Variants in AGTPBP1 observed in about 807,000 individuals in gnomAD.
AGTPBP1 encodes cytosolic carboxypeptidase 1.
In AGTPBP1, 70 loss-of-function variants were observed where a neutral mutation model predicts 143.9. The ratio of observed to expected loss-of-function variants is 0.49; its 90% confidence interval spans 0.40 to 0.59. The LOEUF is 0.59. Among genes scored for constraint, AGTPBP1 ranks in the 20% least tolerant of loss-of-function variants. AGTPBP1 has a pLI of 0.00. For missense variants in AGTPBP1, 1,229 were observed against 1,464.5 expected (o/e 0.84, Z 2.62); for synonymous variants, 463 against 500.2 (o/e 0.93, Z 0.99).
In AGTPBP1 at chr9:85,599,110, AACACACAC is replaced by A. The variant is rs57074552; in HGVS notation, c.2336-2669_2336-2662del. ...CCATTCGTTTTCAACCTTGTCACTG[AACACACAC>A]ACACACACACACACACACACACACA... On this transcript the variant is annotated intron_variant, in intron 17 of 25. Coordinates refer to ENST00000357081, the MANE Select transcript of AGTPBP1 (RefSeq NM_001330701.2). Among the ~76,000 whole-genome samples the A allele has an allele frequency of 8.1e-3, 1,092 of 135,480 alleles. 10 individuals carry two copies. The highest frequency in any genetic ancestry group is 0.028 in the African/African-American group (983 of 35,420). The allele number at this position is 135,480 out of a possible 152,430, so 88.9% of individuals were successfully genotyped here. A position where few individuals can be genotyped will look rare whatever the true frequency, so the allele number is the denominator to read the frequency against.
At chr9:85,802,608 A>G in the AGTPBP1 span, among the ~76,000 whole-genome samples, 3 of 152,210 alleles carry the variant, frequency 2.0e-5, no homozygotes, top group African/African-American at 4.8e-5. Flanking sequence ...ACTTTCCGTT[A>G]AGGACTACAT....
rs529543388 is a variant in AGTPBP1, at chr9:85,719,212, G to A, written c.-33-6646C>T. On this transcript the variant is annotated intron_variant, in intron 1 of 25. Transcript: ENST00000357081. ...TTCCAATTCTGTGAAGAAAGTCATC[G>A]GTAGCTTGATGGGGATGGCACTGAA... 1.4e-3 allele frequency among the ~76,000 whole-genome samples: 218 copies of A among 152,212 alleles called. 1 individual carries two copies. The highest frequency in any genetic ancestry group is 4.8e-3 in the African/African-American group (198 of 41,530).
chr9:85,664,601 C>T lies in AGTPBP1; in HGVS notation c.663-3628G>A, dbSNP rs183396424. On this transcript the variant is annotated intron_variant, in intron 8 of 25. Transcript: ENST00000357081. The stretch of plus-strand genomic sequence containing the variant: ...TATCATGTCAACTACATCTCAGAAA[C>T]GTATTTTTAAAAACAGAAGTCAATC... 4.3e-3 allele frequency among the ~76,000 whole-genome samples: 648 copies of T among 152,184 alleles called. 4 individuals are homozygous for T. The highest frequency in any genetic ancestry group is 3.6e-3 in the Non-Finnish European group (246 of 68,006).
At chr9:85,688,215 A>T (rs1297738397) in intron 3 of AGTPBP1, among the ~76,000 whole-genome samples, 1 of 152,080 alleles carries the variant, frequency 6.6e-6, no homozygotes, top group East Asian at 1.9e-4. Flanking sequence ...GAGAAAGTCA[A>T]TTAAACCAGA....
intron 14 of AGTPBP1, among the ~76,000 whole-genome samples, chr9:85,623,426 G>A (rs1216182577): frequency 6.6e-6 from 1 of 152,098 alleles, no homozygotes; most frequent in Non-Finnish European, 1.5e-5. Context: ...TAAAATACTT[G>A]AGGGGAATCT....
At chr9:85,721,507 T>C (rs1313471898) in intron 1 of AGTPBP1, among the ~76,000 whole-genome samples, 5 of 136,246 alleles carry the variant, frequency 3.7e-5, no homozygotes, top group East Asian at 2.6e-4. Flanking sequence ...TTTTTTTTTT[T>C]CTTTCCATTT....
chr9:85,687,409 G>A (rs1240052120), intron 3 of AGTPBP1, among the ~76,000 whole-genome samples: 1 of 152,056 alleles, frequency 6.6e-6, no homozygotes, highest in African/African-American at 2.4e-5. Context: ...AACAACAGCA[G>A]AATATACATT....
chr9:85,656,808 C>G (rs1564112365), intron 10 of AGTPBP1, among the ~76,000 whole-genome samples: 1 of 152,120 alleles, frequency 6.6e-6, no homozygotes, highest in Non-Finnish European at 1.5e-5. Context: ...GGAAAACGTG[C>G]AGAATACTCA....
intron 1 of AGTPBP1, among the ~76,000 whole-genome samples, chr9:85,740,121 A>T (rs1340342429): frequency 1.3e-5 from 2 of 152,254 alleles, no homozygotes; most frequent in Non-Finnish European, 2.9e-5. Context: ...ACTTTTCTAA[A>T]GAGAAGAATG....
At chr9:85,681,467 G>A (rs1484489599) in intron 3 of AGTPBP1, 132 bp from the exon 4 acceptor site, 11 of 675,978 alleles carry the variant, frequency 1.6e-5, no homozygotes, top group East Asian at 5.6e-5. Context: ...GTTCACAGAC[G>A]TTCTTCCCTC....
chr9:85,608,367 A>G (rs980274066), intron 17 of AGTPBP1, among the ~76,000 whole-genome samples: 3 of 151,924 alleles, frequency 2.0e-5, no homozygotes, highest in Non-Finnish European at 4.4e-5. Context: ...CTATTGATAT[A>G]GTCTTCAAAA....
chr9:85,700,013 A>G (rs912858808), intron 2 of AGTPBP1, among the ~76,000 whole-genome samples: 1 of 152,232 alleles, frequency 6.6e-6, no homozygotes, highest in Non-Finnish European at 1.5e-5. Flanking sequence ...TGTCTGGCTC[A>G]GTAGAAGACA....
intron 1 of AGTPBP1, among the ~76,000 whole-genome samples, chr9:85,726,660 G>A (rs796336201): frequency 6.6e-5 from 10 of 152,336 alleles, no homozygotes; most frequent in South Asian, 2.1e-4. Flanking sequence ...TGTGTTGTCT[G>A]TGGAAAACAA....
intron 21 of AGTPBP1, 70 bp downstream of exon 21, chr9:85,588,228 T>G: frequency 7.8e-7 from 1 of 1,280,948 alleles, no homozygotes. Flanking sequence ...TGGACATTGT[T>G]ATTTCAACAA....
At chr9:85,651,478 T>C (rs1833159185) in intron 11 of AGTPBP1, among the ~76,000 whole-genome samples, 1 of 152,212 alleles carries the variant, frequency 6.6e-6, no homozygotes, top group Non-Finnish European at 1.5e-5. Context: ...CTTTTGCCAA[T>C]AATTAGCTAA....
the AGTPBP1 span, among the ~76,000 whole-genome samples, chr9:85,784,046 A>C: frequency 6.6e-6 from 1 of 152,266 alleles, no homozygotes; most frequent in Non-Finnish European, 1.5e-5. Flanking sequence ...CTTGATGGTC[A>C]TCCCTCTGTT....
chr9:85,554,047 T>A (rs1826186696), intron 25 of AGTPBP1: 1 of 152,222 alleles, frequency 6.6e-6, no homozygotes, highest in African/African-American at 2.4e-5. Flanking sequence ...GGTTAGTGAT[T>A]TGCTAGGAAG....
At chr9:85,667,903 TAA>T (rs11433029) in intron 8 of AGTPBP1, among the ~76,000 whole-genome samples, 34 of 99,258 alleles carry the variant, frequency 3.4e-4, no homozygotes, top group Non-Finnish European at 6.3e-4. Flanking sequence ...AAGCCAACTG[TAA>T]AAAAAAAAAA....
Position 85,646,408 on chromosome 9 carries a change from T to C in AGTPBP1, c.1098A>G (p.Val366=), listed in dbSNP as rs1434639913. 4 of 1,612,400 alleles carry C rather than the reference T, an allele frequency of 2.5e-6. No homozygotes were observed. Among genetic ancestry groups the C allele is most frequent in the Non-Finnish European group, 3.4e-6 (4 of 1,179,442 alleles). Residue 366 remains valine, a synonymous_variant, in exon 12 of 26, where the codon GTA becomes GTG. Coordinates refer to ENST00000357081, the MANE Select transcript of AGTPBP1 (RefSeq NM_001330701.2). ...LYSLPPEVDD[V]VDESDDNDDI... ...CATCGTTGTCATCACTTTCATCTAC[T>C]ACGTCATCCACTATGATACAAAATG... is the stretch of plus-strand genomic sequence containing the variant.
Sources: gnomAD v4.1 joint callset for allele counts (sites outside exome capture counted in the v4.1 genomes callset) on GRCh38, gnomAD v4.1.1 for gene constraint, MANE v1.5 for transcripts, NCBI Gene and HGNC (gene_info 2026-07-23, HGNC 2026-07-21) for gene names.